Variants in LPAR1 observed in about 807,000 individuals in gnomAD.
LPAR1 encodes the protein LPA receptor 1.
LPAR1 carries 5 observed loss-of-function variants against 23.8 expected under a neutral mutation model. That is an observed-to-expected ratio of 0.21 (90% CI 0.11 to 0.44). The LOEUF (loss-of-function observed/expected upper bound fraction) is 0.44. LPAR1 is among the 20% of genes least tolerant of loss of function. The pLI, the probability that LPAR1 is intolerant of heterozygous loss-of-function variation, is 0.99. For missense variants in LPAR1, 311 were observed against 482.8 expected (o/e 0.64, Z 3.33); for synonymous variants, 160 against 164.7 (o/e 0.97, Z 0.22).
intron 4 of LPAR1, among the ~76,000 whole-genome samples, chr9:110,953,776 C>A (rs2095647980): frequency 1.3e-5 from 2 of 152,042 alleles, no homozygotes; most frequent in Non-Finnish European, 2.9e-5. Flanking sequence ...ACCTACACAA[C>A]CAACACCATA....
chr9:110,960,948 C>T (rs538692231), intron 4 of LPAR1, among the ~76,000 whole-genome samples: 1 of 152,190 alleles, frequency 6.6e-6, no homozygotes, highest in Admixed American at 6.5e-5. Flanking sequence ...TCCATTAGGC[C>T]ATTTTGCTGA....
At chr9:110,901,578 T>C (rs1050117337) in intron 5 of LPAR1, among the ~76,000 whole-genome samples, 1 of 152,006 alleles carries the variant, frequency 6.6e-6, no homozygotes, top group Non-Finnish European at 1.5e-5. Context: ...AACCAACAGA[T>C]CTCGTGAGAC....
chr9:111,018,905 C>G (rs2097506763), intron 2 of LPAR1, among the ~76,000 whole-genome samples: 2 of 152,110 alleles, frequency 1.3e-5, no homozygotes, highest in South Asian at 4.2e-4. Flanking sequence ...AACAGTTTAA[C>G]AGCTTAATGG....
chr9:110,995,918 G>A (rs1043956210), intron 2 of LPAR1, among the ~76,000 whole-genome samples: 1 of 152,140 alleles, frequency 6.6e-6, no homozygotes, highest in African/African-American at 2.4e-5. Context: ...AAAAATAATG[G>A]CTGAAGTCTT....
chr9:110,881,612 A>T (rs559300), intron 5 of LPAR1, among the ~76,000 whole-genome samples: 123,245 of 152,158 alleles, frequency 0.81, 50,219 homozygotes, highest in East Asian at 0.98. Flanking sequence ...AAATGACTTG[A>T]ATGCTAGTGC....
chr9:111,035,999 T>G (rs542674412), intron 2 of LPAR1, 123 bp downstream of exon 2: 5 of 152,238 alleles, frequency 3.3e-5, no homozygotes, highest in African/African-American at 1.2e-4. Flanking sequence ...ATGGAATAGA[T>G]TCAGTAAAAC....
intron 2 of LPAR1, 71 bp downstream of exon 2, chr9:111,036,051 A>G (rs1197245922): frequency 6.6e-6 from 1 of 152,198 alleles, no homozygotes; most frequent in Non-Finnish European, 1.5e-5. Context: ...AAAAAATCAA[A>G]TCACTTTTTG....
At chr9:111,013,387 A>T (rs971837908) in intron 2 of LPAR1, among the ~76,000 whole-genome samples, 4 of 152,190 alleles carry the variant, frequency 2.6e-5, no homozygotes, top group Non-Finnish European at 5.9e-5. Flanking sequence ...GTAAGAGATG[A>T]ATCTAATTAA....
At chr9:110,901,540 G>C (rs994520932) in intron 5 of LPAR1, among the ~76,000 whole-genome samples, 14 of 152,320 alleles carry the variant, frequency 9.2e-5, no homozygotes, top group Middle Eastern at 3.4e-3. Context: ...GCAAGAGAGA[G>C]TGTGTGCAGG....
At chr9:110,957,661 T>C (rs1397073900) in intron 4 of LPAR1, among the ~76,000 whole-genome samples, 1 of 152,172 alleles carries the variant, frequency 6.6e-6, no homozygotes, top group Admixed American at 6.5e-5. Flanking sequence ...AAAGCCTTTC[T>C]TCTAAGAACT....
At chr9:110,937,993 A>G (rs544481767) in intron 5 of LPAR1, among the ~76,000 whole-genome samples, 23 of 152,346 alleles carry the variant, frequency 1.5e-4, no homozygotes, top group African/African-American at 5.1e-4. Context: ...AGCTGAATAA[A>G]GTGGCATTTA....
intron 5 of LPAR1, among the ~76,000 whole-genome samples, chr9:110,929,417 G>T (rs983553709): frequency 2.0e-5 from 3 of 152,102 alleles, no homozygotes; most frequent in Non-Finnish European, 4.4e-5. Context: ...GCATGACAAA[G>T]ACTATGTAAC....
chr9:110,936,066 G>T (rs1174937822), intron 5 of LPAR1, among the ~76,000 whole-genome samples: 1 of 152,130 alleles, frequency 6.6e-6, no homozygotes, highest in Non-Finnish European at 1.5e-5. Context: ...CTCAGCTCAA[G>T]ATTGCCTCCT....
chr9:110,900,796 T>C (rs2088595072), intron 5 of LPAR1, among the ~76,000 whole-genome samples: 1 of 152,238 alleles, frequency 6.6e-6, no homozygotes, highest in African/African-American at 2.4e-5. Context: ...TTAAAAATTT[T>C]CTTTTAGATT....
At chr9:110,913,017 T>C (rs1260699119) in intron 5 of LPAR1, among the ~76,000 whole-genome samples, 1 of 152,206 alleles carries the variant, frequency 6.6e-6, no homozygotes, top group Non-Finnish European at 1.5e-5. Context: ...TAGCACATCC[T>C]ATGAAGTGGT....
intron 2 of LPAR1, among the ~76,000 whole-genome samples, chr9:110,989,112 T>C (rs904155177): frequency 1.3e-5 from 2 of 152,214 alleles, no homozygotes; most frequent in African/African-American, 4.8e-5. Flanking sequence ...TTCGTGTTTT[T>C]CAGGAGTTTG....
intron 5 of LPAR1, among the ~76,000 whole-genome samples, chr9:110,908,844 A>C (rs767639609): frequency 1.2e-4 from 18 of 152,224 alleles, no homozygotes; most frequent in African/African-American, 1.7e-4. Context: ...GGGACACGAG[A>C]ACTACCAATC....
At chr9:110,883,845 T>C (rs772827259) in intron 5 of LPAR1, among the ~76,000 whole-genome samples, 4 of 152,238 alleles carry the variant, frequency 2.6e-5, no homozygotes, top group Non-Finnish European at 5.9e-5. Flanking sequence ...CATTGATTTC[T>C]AGGCCTGCTT....
Position 110,942,156 on chromosome 9 carries a change from T to C in LPAR1, c.58A>G (p.Asn20Asp). The C allele has an allele frequency of 1.9e-6, 3 of 1,610,436 alleles. No individual in the cohort carries two copies. Among genetic ancestry groups the C allele is most frequent in the Non-Finnish European group, 8.5e-7 (1 of 1,178,570 alleles). ...VISQPQFTAM[N>D]EPQCFYNESI... ...TCGTTGTAGAAGCACTGTGGTTCAT[T>C]CATGGCTGTGAACTAAAAGAAAAAG... is the stretch of plus-strand genomic sequence containing the variant. Residue 20 changes from asparagine to aspartate, a missense_variant, in exon 5 of 6, where the codon AAT (asparagine) becomes GAT (aspartate). By Grantham distance (23) the Asn-to-Asp change is conservative. Coordinates refer to ENST00000683809, the MANE Select transcript of LPAR1 (RefSeq NM_001351411.2).
Sources: gnomAD v4.1 joint callset for allele counts (sites outside exome capture counted in the v4.1 genomes callset) on GRCh38, gnomAD v4.1.1 for gene constraint, MANE v1.5 for transcripts, NCBI Gene and HGNC (gene_info 2026-07-23, HGNC 2026-07-21) for gene names.